Variants in ARHGAP11B observed in about 807,000 individuals in gnomAD.
The protein encoded by ARHGAP11B is Rho GTPase activating protein 11B, also known as inactive Rho GTPase-activating protein 11B.
ARHGAP11B carries 14 observed loss-of-function variants against 27.6 expected under a neutral mutation model. The observed-to-expected ratio is 0.51, with a 90% confidence interval of 0.34 to 0.79. ARHGAP11B has a LOEUF of 0.79. Ranked by LOEUF, ARHGAP11B falls within the 30% of genes least tolerant of loss-of-function variation. ARHGAP11B has a pLI of 0.02. For synonymous variants in ARHGAP11B, 82 were observed against 114.1 expected (o/e 0.72, Z 1.80); for missense variants, 245 against 320.1 (o/e 0.77, Z 1.79).
intron 7 of ARHGAP11B, among the ~76,000 whole-genome samples, chr15:30,642,884 C>A (rs1595678830): frequency 6.6e-6 from 1 of 152,028 alleles, no homozygotes; most frequent in Non-Finnish European, 1.5e-5. Context: ...CTTGAAGTTT[C>A]TAACCAGAAA....
intron 7 of ARHGAP11B, among the ~76,000 whole-genome samples, chr15:30,642,368 G>A (rs957256292): frequency 7.2e-5 from 11 of 151,854 alleles, no homozygotes; most frequent in Non-Finnish European, 1.6e-4. Flanking sequence ...AAATAATTGA[G>A]CTTCTGTTGT....
In ARHGAP11B at chr15:30,630,697, T is replaced by C. The variant is rs1483619099; in HGVS notation, c.130-6T>C. 6.2e-7 allele frequency: 1 copy of C among 1,600,934 alleles called. No homozygotes were observed. Among genetic ancestry groups the C allele is most frequent in the Non-Finnish European group, 8.5e-7 (1 of 1,172,104 alleles). Reference sequence around the variant, plus strand: ...TGTGTTAGAGTAACTGAATTTGTCATTTTAGGGTAAAATATTTGGAGTACC... The same window carrying C: ...TGTGTTAGAGTAACTGAATTTGTCACTTTAGGGTAAAATATTTGGAGTACC... On this transcript the variant is annotated splice_region_variant and splice_polypyrimidine_tract_variant and intron_variant, in intron 1 of 10. Coordinates refer to ENST00000428041, the Ensembl canonical transcript of ARHGAP11B.
intron 7 of ARHGAP11B, among the ~76,000 whole-genome samples, chr15:30,643,397 G>A (rs1490584081): frequency 6.6e-6 from 1 of 151,404 alleles, no homozygotes; most frequent in East Asian, 2.0e-4. Context: ...TCCTGCCTCA[G>A]CCTCCTGAGT....
rs1261271299 is a variant in ARHGAP11B at position 30,626,640 on chromosome 15, G to A, written c.-181G>A. Reference sequence around the variant, plus strand: ...GAGAAGCGGGTCTGTGTAAGTGGATGTGAGTGAGGATCAAGGAAAAGCCGT... The same window carrying A: ...GAGAAGCGGGTCTGTGTAAGTGGATATGAGTGAGGATCAAGGAAAAGCCGT... On this transcript the variant is annotated 5_prime_UTR_variant, in exon 1 of 11. The change creates a new upstream start codon in the 5' untranslated region. Transcript: ENST00000428041. The A allele has an allele frequency of 7.7e-6, 6 of 775,604 alleles. No individual in the cohort carries two copies. The highest frequency in any genetic ancestry group is 1.2e-5 in the Non-Finnish European group (6 of 491,296). 48.0% of individuals were successfully genotyped at this position (775,604 alleles called of 1,614,324 possible).
intron 3 of ARHGAP11B, among the ~76,000 whole-genome samples, chr15:30,633,942 T>G (rs1215633846): frequency 6.6e-6 from 1 of 151,700 alleles, no homozygotes. Flanking sequence ...GGAAGATTGC[T>G]TGAGCCTGGG....
intron 8 of ARHGAP11B, among the ~76,000 whole-genome samples, chr15:30,644,879 G>A (rs1349656941): frequency 1.3e-5 from 2 of 152,044 alleles, no homozygotes; most frequent in Non-Finnish European, 2.9e-5. Context: ...ATTCATTTGT[G>A]CCAGCTGTTG....
intron 7 of ARHGAP11B, chr15:30,644,547 C>T: frequency 5.0e-5 from 34 of 681,342 alleles, no homozygotes; most frequent in East Asian, 1.1e-4. Context: ...TTTTTTTGTC[C>T]TCATTGATTT....
At chr15:30,647,181 A>T (rs1474783577) in intron 9 of ARHGAP11B, among the ~76,000 whole-genome samples, 1 of 151,766 alleles carries the variant, frequency 6.6e-6, no homozygotes. Context: ...GTTTTGGACA[A>T]TCTTGGTCCA....
intron 6 of ARHGAP11B, among the ~76,000 whole-genome samples, chr15:30,637,963 G>T (rs548933441): frequency 6.6e-6 from 1 of 151,634 alleles, no homozygotes; most frequent in Admixed American, 6.6e-5. Context: ...GGGATTACAG[G>T]TGCACGCTAC....
chr15:30,635,696 A>G (rs1180786053), intron 6 of ARHGAP11B, 63 bp downstream of exon 6: 3 of 1,543,542 alleles, frequency 1.9e-6, no homozygotes, highest in African/African-American at 2.7e-5. Flanking sequence ...TACATTTCAC[A>G]TAAAGAAGCA....
chr15:30,644,264 G>C (rs1364782573), intron 7 of ARHGAP11B, among the ~76,000 whole-genome samples: 1 of 152,018 alleles, frequency 6.6e-6, no homozygotes, highest in Non-Finnish European at 1.5e-5. Context: ...AAATAGGATT[G>C]TGTCTTTTAT....
chr15:30,641,210 C>A (rs1025358509), intron 7 of ARHGAP11B, among the ~76,000 whole-genome samples: 3 of 151,980 alleles, frequency 2.0e-5, no homozygotes, highest in African/African-American at 7.2e-5. Context: ...CACAATTCAA[C>A]AAATTCCATT....
At chr15:30,628,195 C>G (rs190080865) in intron 1 of ARHGAP11B, among the ~76,000 whole-genome samples, 1,868 of 151,922 alleles carry the variant, frequency 0.012, 47 homozygotes, top group African/African-American at 0.043. Flanking sequence ...ATTCTCCTGC[C>G]TCAGCTTCCC....
At chr15:30,631,566 G>A (rs1056096794) in intron 2 of ARHGAP11B, among the ~76,000 whole-genome samples, 32 of 151,924 alleles carry the variant, frequency 2.1e-4, no homozygotes, top group Admixed American at 1.6e-3. Context: ...TACTCCTGAA[G>A]CTGAGGCAGA....
chr15:30,646,372 T>A (rs2060348033), intron 9 of ARHGAP11B: 1 of 252,352 alleles, frequency 4.0e-6, no homozygotes. Context: ...AAATAGCAAT[T>A]TGATTTAACT....
In ARHGAP11B at chr15:30,641,847, G is replaced by A. The variant is rs567549838; in HGVS notation, c.*79-2792G>A. Among the ~76,000 whole-genome samples the A allele has an allele frequency of 1.2e-3, 189 of 151,792 alleles. 2 individuals are homozygous for A. The highest frequency in any genetic ancestry group is 4.3e-3 in the African/African-American group (177 of 41,406). On this transcript the variant is annotated intron_variant, in intron 7 of 10. Transcript: ENST00000428041. ...TTCTTGTGCCTCAGCCTCCTGAGTA[G>A]TTGGGATTACAGGCATGCACCACCA... is the stretch of plus-strand genomic sequence containing the variant.
chr15:30,629,613 C>G (rs967251189), intron 1 of ARHGAP11B, among the ~76,000 whole-genome samples: 1 of 152,076 alleles, frequency 6.6e-6, no homozygotes, highest in African/African-American at 2.4e-5. Flanking sequence ...CCTTACCATA[C>G]TATACTGTCT....
At chr15:30,642,792 G>C (rs2060323261) in intron 7 of ARHGAP11B, among the ~76,000 whole-genome samples, 1 of 152,054 alleles carries the variant, frequency 6.6e-6, no homozygotes, top group African/African-American at 2.4e-5. Context: ...TAATATAAAA[G>C]TAATGCTTAA....
chr15:30,643,280 CTTTT>C (rs796664136), intron 7 of ARHGAP11B, among the ~76,000 whole-genome samples: 4 of 133,940 alleles, frequency 3.0e-5, no homozygotes, highest in African/African-American at 2.7e-5. Flanking sequence ...TGACAGTTTT[CTTTT>C]TTTTTTTTTT....
Sources: allele counts gnomAD v4.1 joint callset (sites outside exome capture counted in the v4.1 genomes callset), GRCh38; gene constraint gnomAD v4.1.1; transcripts MANE v1.5; gene names NCBI Gene and HGNC (gene_info 2026-07-23, HGNC 2026-07-21).